PPP1R14C: variants seen among roughly 807,000 people sequenced by gnomAD.
PPP1R14C encodes protein phosphatase 1 regulatory inhibitor subunit 14C.
In PPP1R14C, 16 loss-of-function variants were observed where a neutral mutation model predicts 20.4. The ratio of observed to expected loss-of-function variants is 0.78; its 90% CI spans 0.53 to 1.19. PPP1R14C has a LOEUF of 1.19. Among genes scored for constraint, PPP1R14C ranks in the 50% most tolerant of loss-of-function variants. PPP1R14C has a pLI of 0.00. For missense variants in PPP1R14C, 211 were observed against 220.1 expected (o/e 0.96, Z 0.26); for synonymous variants, 91 against 91.0 (o/e 1.00, Z 0.00).
Position 150,249,382 on chromosome 6 carries a change from T to C in PPP1R14C, c.*562T>C, listed in dbSNP as rs1778534705. The C allele has an allele frequency of 2.5e-6, 1 of 398,902 alleles. No individual in the cohort carries two copies. The allele number at this position is 398,902 out of a possible 1,614,324, so 24.7% of individuals were successfully genotyped here. A position where few individuals can be genotyped will look rare whatever the true frequency, so the allele number is the denominator to read the frequency against. On this transcript the variant is annotated 3_prime_UTR_variant, in exon 4 of 4. Transcript: ENST00000361131. The stretch of plus-strand genomic sequence containing the variant: ...CAAGAGGCCACTAGGCATTCTTCAC[T>C]GAGTGCTGCTGACTTCAACGTTCAC...
chr6:150,216,983 A>G (rs1162950125), intron 3 of PPP1R14C, 127 bp downstream of exon 3: 1 of 657,172 alleles, frequency 1.5e-6, no homozygotes, highest in South Asian at 2.0e-5. Context: ...ATTATTATCC[A>G]TGAGTGCATA....
rs187367429 is a variant in PPP1R14C at position 150,228,628 on chromosome 6, A to G, written c.423+11772A>G. On this transcript the variant is annotated intron_variant, in intron 3 of 3. Transcript: ENST00000361131. ...TGACCTTGTCTCCAGCTGATACCACATGACTCAAAGCGTCTACTCTAAATC... is the reference window on the plus strand; with the variant it reads ...TGACCTTGTCTCCAGCTGATACCACGTGACTCAAAGCGTCTACTCTAAATC... Among the ~76,000 whole-genome samples the G allele has an allele frequency of 3.9e-5, 6 of 152,290 alleles. No homozygotes were observed. The East Asian group carries it at 5.8e-4, about 15-fold the overall frequency.
intron 1 of PPP1R14C, among the ~76,000 whole-genome samples, chr6:150,173,785 C>CCTGGCTG (rs1777525726): frequency 6.6e-6 from 1 of 152,106 alleles, no homozygotes. Flanking sequence ...GTCACTCAGC[C>CCTGGCTG]AGGACATGGG....
At chr6:150,168,586 C>T (rs1159125664) in intron 1 of PPP1R14C, among the ~76,000 whole-genome samples, 1 of 128,378 alleles carries the variant, frequency 7.8e-6, no homozygotes, top group Non-Finnish European at 1.8e-5. Context: ...TTCACAGCAG[C>T]CCAGTTTCCT....
chr6:150,181,562 C>T (rs1272117511), intron 1 of PPP1R14C, among the ~76,000 whole-genome samples: 1 of 152,216 alleles, frequency 6.6e-6, no homozygotes, highest in Non-Finnish European at 1.5e-5. Context: ...CCCAAGTAAT[C>T]CACTTCTCAA....
chr6:150,200,173 TA>T (rs1256735600), intron 1 of PPP1R14C, among the ~76,000 whole-genome samples: 1 of 149,646 alleles, frequency 6.7e-6, no homozygotes, highest in African/African-American at 2.5e-5. Context: ...TTTTATAGGA[TA>T]TATATATATA....
chr6:150,204,474 C>T (rs190781740), intron 1 of PPP1R14C, among the ~76,000 whole-genome samples: 6 of 152,266 alleles, frequency 3.9e-5, no homozygotes, highest in East Asian at 3.9e-4. Flanking sequence ...CAGGAGTACA[C>T]GATTCCCTGG....
chr6:150,172,343 A>G (rs919841504), intron 1 of PPP1R14C, among the ~76,000 whole-genome samples: 6 of 152,182 alleles, frequency 3.9e-5, no homozygotes, highest in Admixed American at 6.5e-5. Context: ...TTTTTAGAAG[A>G]TCTCTGTAAC....
chr6:150,244,177 A>AAT (rs1778465969), intron 3 of PPP1R14C, among the ~76,000 whole-genome samples: 1 of 151,828 alleles, frequency 6.6e-6, no homozygotes, highest in Non-Finnish European at 1.5e-5. Context: ...CTAAAAAAAA[A>AAT]AAAACTCACT....
chr6:150,173,881 A>G (rs2114871738), intron 1 of PPP1R14C, among the ~76,000 whole-genome samples: 1 of 152,018 alleles, frequency 6.6e-6, no homozygotes, highest in South Asian at 2.1e-4. Flanking sequence ...TGCTCACGCC[A>G]TTCCCAGGAT....
chr6:150,161,454 A>C (rs1777367046), intron 1 of PPP1R14C, among the ~76,000 whole-genome samples: 1 of 152,192 alleles, frequency 6.6e-6, no homozygotes, highest in South Asian at 2.1e-4. Context: ...TGTAACCATC[A>C]GCATCTATAT....
chr6:150,156,233 T>G (rs1362352163), intron 1 of PPP1R14C, among the ~76,000 whole-genome samples: 1 of 152,056 alleles, frequency 6.6e-6, no homozygotes, highest in Non-Finnish European at 1.5e-5. Flanking sequence ...AGGTTAAAAG[T>G]TAGAAACTCA....
At chr6:150,203,492 C>T (rs750308726) in intron 1 of PPP1R14C, among the ~76,000 whole-genome samples, 12 of 152,164 alleles carry the variant, frequency 7.9e-5, no homozygotes, top group Non-Finnish European at 1.2e-4. Context: ...GTCTTCCAAG[C>T]GGCTTTTCCG....
At chr6:150,183,339 T>G (rs1035694641) in intron 1 of PPP1R14C, among the ~76,000 whole-genome samples, 7 of 152,188 alleles carry the variant, frequency 4.6e-5, no homozygotes, top group African/African-American at 1.7e-4. Context: ...AATTCAACTT[T>G]ATTGCTCCAC....
At chr6:150,193,756 G>C (rs1777772382) in intron 1 of PPP1R14C, among the ~76,000 whole-genome samples, 1 of 152,110 alleles carries the variant, frequency 6.6e-6, no homozygotes, top group Non-Finnish European at 1.5e-5. Context: ...CTTGATAAAA[G>C]CTCATTCCCC....
intron 3 of PPP1R14C, among the ~76,000 whole-genome samples, chr6:150,234,848 CAAAAAAAA>C (rs56139981): frequency 0.053 from 2,205 of 41,770 alleles, 23 homozygotes; most frequent in South Asian, 0.087. Flanking sequence ...GACTCTGTCT[CAAAAAAAA>C]AAAAAAAAAA....
chr6:150,194,131 A>G (rs1160579662), intron 1 of PPP1R14C, among the ~76,000 whole-genome samples: 1 of 152,108 alleles, frequency 6.6e-6, no homozygotes. Flanking sequence ...CATGATTGTG[A>G]GGCCTCCCCA....
chr6:150,228,040 T>A (rs2114921734), intron 3 of PPP1R14C, among the ~76,000 whole-genome samples: 1 of 152,346 alleles, frequency 6.6e-6, no homozygotes, highest in South Asian at 2.1e-4. Flanking sequence ...AATCCTATGC[T>A]CTGTCAACTC....
At chr6:150,184,406 A>G (rs1433059046) in intron 1 of PPP1R14C, among the ~76,000 whole-genome samples, 1 of 152,184 alleles carries the variant, frequency 6.6e-6, no homozygotes, top group Non-Finnish European at 1.5e-5. Context: ...ACTAGGAGCA[A>G]TAGGCCATAC....
Sources: gnomAD v4.1 joint callset for allele counts (sites outside exome capture counted in the v4.1 genomes callset) on GRCh38, gnomAD v4.1.1 for gene constraint, MANE v1.5 for transcripts, NCBI Gene and HGNC (gene_info 2026-07-23, HGNC 2026-07-21) for gene names.